Variants in ZNF550 observed in about 807,000 individuals in gnomAD.
ZNF550 encodes zinc finger protein 550.
A neutral mutation model predicts 40.2 loss-of-function variants in ZNF550; 42 were observed. That is an observed-to-expected ratio of 1.05 (90% confidence interval 0.82 to 1.35). The LOEUF is 1.35. Among genes scored for constraint, ZNF550 ranks in the 40% most tolerant of loss-of-function variants. The pLI, the probability that ZNF550 is intolerant of heterozygous loss-of-function variation, is 0.00. For missense variants in ZNF550, 549 were observed against 525.2 expected, an observed-to-expected ratio of 1.05 and a Z score of -0.44; for synonymous variants, 223 against 198.6, an observed-to-expected ratio of 1.12 and a Z score of -1.03.
At chr19:57,544,466 G>C in intron 4 of ZNF550, 2 of 985,318 alleles carry the variant, frequency 2.0e-6, no homozygotes, top group Non-Finnish European at 2.4e-6. Context: ...CAGGGCCTTA[G>C]GTACAAGTAC....
rs983278131 is a variant in ZNF550, at chr19:57,544,256, A to G, written c.*519-1013T>C. On this transcript the variant is annotated intron_variant, in intron 4 of 4. Coordinates refer to ENST00000457177, the Ensembl canonical transcript of ZNF550. ...TCTTGCCTATCACAGCAGCAAGTTC[A>G]TAGTAGATCCTTGTACCAAACACTT... 6 of 985,350 alleles carry G rather than the reference A, an allele frequency of 6.1e-6. No individual in the cohort carries two copies. In the African/African-American group the frequency reaches 1.0e-4, roughly 17 times the overall value. 61.0% of individuals were successfully genotyped at this position (985,350 alleles called of 1,614,324 possible).
chr19:57,556,101 G>C, intron 2 of ZNF550, 130 bp downstream of exon 2: 1 of 1,221,526 alleles, frequency 8.2e-7, no homozygotes, highest in Non-Finnish European at 1.2e-6. Context: ...TGCAGACAAA[G>C]GGAGACCAGT....
chr19:57,547,944 G>A, exon 4 of ZNF550: 6 of 1,614,054 alleles, frequency 3.7e-6, no homozygotes, highest in Non-Finnish European at 5.1e-6. Flanking sequence ...GCTCAGATAA[G>A]ACTGGCGGGT....
chr19:57,549,219 C>G (rs1264300962), intron 3 of ZNF550, among the ~76,000 whole-genome samples: 1 of 152,176 alleles, frequency 6.6e-6, no homozygotes, highest in Non-Finnish European at 1.5e-5. Flanking sequence ...GTGACAGATA[C>G]TTCCTTTACC....
At chr19:57,546,141 A>G (rs974383807) in intron 4 of ZNF550, among the ~76,000 whole-genome samples, 5 of 152,238 alleles carry the variant, frequency 3.3e-5, no homozygotes, top group African/African-American at 1.2e-4. Context: ...GATATAAAAA[A>G]GAAGTGTCAC....
At chr19:57,559,828 A>G in exon 1 of ZNF550, 1 of 635,500 alleles carries the variant, frequency 1.6e-6, no homozygotes. Flanking sequence ...AACACGCCCC[A>G]CCACAAACGT....
intron 4 of ZNF550, among the ~76,000 whole-genome samples, chr19:57,545,887 C>T (rs1240521626): frequency 6.6e-6 from 1 of 152,106 alleles, no homozygotes; most frequent in East Asian, 1.9e-4. Flanking sequence ...GTGGTGTATG[C>T]CTGTATCCCA....
chr19:57,559,833 A>C, exon 1 of ZNF550: 1 of 612,782 alleles, frequency 1.6e-6, no homozygotes, highest in Non-Finnish European at 2.4e-6. Context: ...GCCCCACCAC[A>C]AACGTCCACG....
chr19:57,547,354 G>A lies in ZNF550; in HGVS notation c.890C>T (p.Thr297Ile). The A allele has an allele frequency of 3.1e-6, 5 of 1,613,146 alleles. 1 individual carries two copies. In the South Asian group the frequency reaches 5.5e-5, roughly 18 times the overall value. ...ATGGCGAATAAAAGTAGACCGGTGG[G>A]TGAAGGCCTTTCGACATTGACTACA... Residue 297 changes from threonine (T) to isoleucine (I), a missense_variant, in exon 4 of 5, where the codon ACC becomes ATC. By Grantham distance (89) the Thr-to-Ile change is moderately conservative. Transcript: ENST00000457177.
chr19:57,559,529 C>T, intron 1 of ZNF550, 127 bp downstream of exon 1: 4 of 949,166 alleles, frequency 4.2e-6, no homozygotes, highest in South Asian at 3.3e-5. Flanking sequence ...GCGCGACCCC[C>T]TTCTAGGCCT....
chr19:57,547,069 A>G, exon 4 of ZNF550: 13 of 1,613,790 alleles, frequency 8.1e-6, no homozygotes, highest in Middle Eastern at 1.7e-4. Flanking sequence ...CCCAGTGTGG[A>G]TGACAGAGTG....
chr19:57,559,849 G>A (rs2090156593), exon 1 of ZNF550: 1 of 529,452 alleles, frequency 1.9e-6, no homozygotes, highest in Non-Finnish European at 2.9e-6. Context: ...CCACGCCAGC[G>A]AGGCCGGAAG....
chr19:57,542,452 A>ATTTG (rs1600169110), exon 5 of ZNF550: 1 of 152,002 alleles, frequency 6.6e-6, no homozygotes, highest in East Asian at 1.9e-4. Context: ...AAAATGGAGG[A>ATTTG]AATACATGTC....
At chr19:57,544,338 T>G in intron 4 of ZNF550, 1 of 985,448 alleles carries the variant, frequency 1.0e-6, no homozygotes. Context: ...GTGTCCTTTA[T>G]CCCATGGAAA....
chr19:57,543,199 G>T, exon 5 of ZNF550: 1 of 952,356 alleles, frequency 1.1e-6, no homozygotes, highest in African/African-American at 1.8e-5. Context: ...TTTTTATTCC[G>T]TCAGCAATTT....
chr19:57,559,520 C>T, intron 1 of ZNF550, 136 bp downstream of exon 1: 1 of 842,224 alleles, frequency 1.2e-6, no homozygotes, highest in Non-Finnish European at 1.6e-6. Context: ...CCCGGGACCG[C>T]GCGACCCCCT....
chr19:57,547,551 A>G (rs766015919), exon 4 of ZNF550: 1 of 1,614,210 alleles, frequency 6.2e-7, no homozygotes, highest in East Asian at 2.2e-5. Context: ...CATTGCATTC[A>G]TAGGGTTTCA....
At chr19:57,559,620 C>A in intron 1 of ZNF550, 36 bp downstream of exon 1, 1 of 1,467,504 alleles carries the variant, frequency 6.8e-7, no homozygotes, top group Non-Finnish European at 9.1e-7. Context: ...GACACTGAGG[C>A]CGGGTGGCCG....
At chr19:57,546,359 A>G (rs2090009431) in intron 4 of ZNF550, 1 of 421,892 alleles carries the variant, frequency 2.4e-6, no homozygotes. Context: ...AAAAAAAAAA[A>G]AAAGGAATAA....
Sources: gnomAD v4.1 joint callset for allele counts (sites outside exome capture counted in the v4.1 genomes callset) on GRCh38, gnomAD v4.1.1 for gene constraint, MANE v1.5 for transcripts, NCBI Gene and HGNC (gene_info 2026-07-23, HGNC 2026-07-21) for gene names.